UNC79: variants seen among roughly 807,000 people sequenced by gnomAD.
The protein encoded by UNC79 is protein unc-79 homolog.
UNC79 carries 37 observed loss-of-function variants against 283.1 expected under a neutral mutation model. The ratio of observed to expected loss-of-function variants is 0.13; its 90% CI spans 0.10 to 0.17. The LOEUF is 0.17. Ranked by LOEUF, UNC79 falls within the 10% of genes least tolerant of loss-of-function variation. The pLI is 1.00. For synonymous variants in UNC79, 1,107 were observed against 1,200.2 expected, an observed-to-expected ratio of 0.92 and a Z score of 1.61; for missense variants, 2,272 against 3,211.1, an observed-to-expected ratio of 0.71 and a Z score of 7.07.
At chr14:93,554,098 C>T (rs1292408799) in intron 14 of UNC79, among the ~76,000 whole-genome samples, 1 of 152,182 alleles carries the variant, frequency 6.6e-6, no homozygotes, top group East Asian at 1.9e-4. Flanking sequence ...TGCCTGTAAT[C>T]CCAGCACTTT....
intron 1 of UNC79, among the ~76,000 whole-genome samples, chr14:93,375,437 T>C (rs551962299): frequency 2.0e-5 from 3 of 152,224 alleles, no homozygotes; most frequent in Non-Finnish European, 4.4e-5. Flanking sequence ...CATGTATGGA[T>C]TAATCCACCC....
At chr14:93,689,075 C>A in intron 44 of UNC79, 1 of 461,538 alleles carries the variant, frequency 2.2e-6, no homozygotes, top group Non-Finnish European at 3.7e-6. Flanking sequence ...ATTGTCCTTT[C>A]ATGAAGAATG....
At chr14:93,347,874 G>A (rs1470635803) in intron 1 of UNC79, among the ~76,000 whole-genome samples, 1 of 152,042 alleles carries the variant, frequency 6.6e-6, no homozygotes, top group Non-Finnish European at 1.5e-5. Context: ...GGTGATCCAT[G>A]AATCGATTTT....
chr14:93,677,062 T>G (rs1488579250), intron 41 of UNC79, among the ~76,000 whole-genome samples: 1 of 152,228 alleles, frequency 6.6e-6, no homozygotes, highest in African/African-American at 2.4e-5. Flanking sequence ...GAGCGTGGTT[T>G]GTTCCTGGGT....
chr14:93,646,053 C>T (rs1338918893), intron 34 of UNC79, among the ~76,000 whole-genome samples: 3 of 152,160 alleles, frequency 2.0e-5, no homozygotes, highest in Admixed American at 6.5e-5. Context: ...AATATTTCCA[C>T]ACATACAGAA....
rs2069062950 is a variant in UNC79, at chr14:93,641,806, AAT to A, written c.5903+561_5903+562del. ...CCACCCAAATCTCACCTTGAATTGT[AAT>A]AATCCCCACATGTCAAAGGTGGGGC... is the stretch of plus-strand genomic sequence containing the variant. On this transcript the variant is annotated intron_variant, in intron 33 of 48. Transcript: ENST00000555664. Among the ~76,000 whole-genome samples the A allele has an allele frequency of 3.9e-5, 6 of 152,312 alleles. 1 individual carries two copies. The highest frequency in any genetic ancestry group is 3.9e-4 in the Admixed American group (6 of 15,306).
At chr14:93,662,827 T>A (rs920106924) in intron 40 of UNC79, 113 bp downstream of exon 43, 15 of 674,414 alleles carry the variant, frequency 2.2e-5, no homozygotes, top group Non-Finnish European at 3.7e-5. Flanking sequence ...TAGTTAAAAA[T>A]GAGTAATTCT....
chr14:93,489,622 CT>C (rs2058624365), intron 5 of UNC79, among the ~76,000 whole-genome samples: 1 of 152,242 alleles, frequency 6.6e-6, no homozygotes, highest in South Asian at 2.1e-4. Flanking sequence ...CCTTTTTTGA[CT>C]TGATGCTCCA....
intron 41 of UNC79, among the ~76,000 whole-genome samples, chr14:93,678,372 GT>G (rs1468362157): frequency 6.6e-5 from 10 of 152,326 alleles, no homozygotes; most frequent in Admixed American, 3.3e-4. Flanking sequence ...TTGCTCCAAT[GT>G]TGCATTTCCC....
intron 29 of UNC79, among the ~76,000 whole-genome samples, chr14:93,619,355 C>G (rs1024108402): frequency 6.6e-6 from 1 of 152,156 alleles, no homozygotes; most frequent in African/African-American, 2.4e-5. Flanking sequence ...CCCTGATGAA[C>G]CTTTCTGGAT....
intron 33 of UNC79, among the ~76,000 whole-genome samples, chr14:93,642,923 A>C (rs1465425892): frequency 6.6e-6 from 1 of 152,154 alleles, no homozygotes; most frequent in African/African-American, 2.4e-5. Context: ...ACATTAGGAC[A>C]CTACAAAGAG....
At chr14:93,682,730 C>G (rs1367645306) in intron 42 of UNC79, 36 bp downstream of exon 45, 1 of 1,588,076 alleles carries the variant, frequency 6.3e-7, no homozygotes. Flanking sequence ...TACATACTTA[C>G]ATTTCATAGA....
chr14:93,350,538 G>A (rs142774990), intron 1 of UNC79, among the ~76,000 whole-genome samples: 91 of 152,162 alleles, frequency 6.0e-4, no homozygotes, highest in Middle Eastern at 3.4e-3. Context: ...TAAAAGGAAC[G>A]TTGTAAGTAA....
intron 47 of UNC79, among the ~76,000 whole-genome samples, chr14:93,694,836 A>G (rs2074973631): frequency 1.3e-5 from 2 of 152,266 alleles, no homozygotes; most frequent in Non-Finnish European, 2.9e-5. Flanking sequence ...CTATTCTAAT[A>G]TAAATCACCT....
chr14:93,356,130 C>T (rs2054082077), intron 1 of UNC79, among the ~76,000 whole-genome samples: 1 of 151,018 alleles, frequency 6.6e-6, no homozygotes, highest in South Asian at 2.1e-4. Flanking sequence ...CGGGTTCAAG[C>T]AATTCTCCTG....
intron 8 of UNC79, among the ~76,000 whole-genome samples, chr14:93,526,814 A>C (rs2060570094): frequency 6.6e-6 from 1 of 152,190 alleles, no homozygotes; most frequent in African/African-American, 2.4e-5. Context: ...AGTAGTGTGA[A>C]AAAGTATCTT....
chr14:93,520,184 AG>A (rs1222442476), intron 7 of UNC79, among the ~76,000 whole-genome samples: 2 of 151,916 alleles, frequency 1.3e-5, no homozygotes, highest in Non-Finnish European at 2.9e-5. Context: ...ATAGAATTCT[AG>A]GTTGACAGTT....
In UNC79 at chr14:93,625,622, C is replaced by T. The variant is rs553862169; in HGVS notation, c.5608+2781C>T. ...GTTTCATCTCTCATCCTCTGATTAC[C>T]ATTTCTTCTCTCCCTGGACAATTGT... On this transcript the variant is annotated intron_variant, in intron 30 of 48. Coordinates refer to ENST00000555664, the Ensembl canonical transcript of UNC79. 2.0e-5 allele frequency among the ~76,000 whole-genome samples: 3 copies of T among 152,230 alleles called. No homozygotes were observed. In the Middle Eastern group the frequency reaches 0.01, roughly 518 times the overall value.
At chr14:93,622,418 C>G (rs759712801) in exon 30 of UNC79, 1 of 1,614,118 alleles carries the variant, frequency 6.2e-7, no homozygotes, top group Non-Finnish European at 8.5e-7. Context: ...ATCCTCAAAG[C>G]CAGAGGAGCT....
Sources: gnomAD v4.1 joint callset for allele counts (sites outside exome capture counted in the v4.1 genomes callset) on GRCh38, gnomAD v4.1.1 for gene constraint, MANE v1.5 for transcripts, NCBI Gene and HGNC (gene_info 2026-07-23, HGNC 2026-07-21) for gene names.